The following PCDHA7 variants were observed in gnomAD, a reference collection of about 807,000 sequenced individuals.
PCDHA7 encodes the protein protocadherin alpha 7.
PCDHA7 carries 37 observed loss-of-function variants against 57.2 expected under a neutral mutation model. The observed-to-expected ratio is 0.65, with a 90% CI of 0.50 to 0.85. The LOEUF is 0.85. Ranked by LOEUF, PCDHA7 falls within the 40% of genes least tolerant of loss-of-function variation. PCDHA7 has a pLI of 0.00. For synonymous variants in PCDHA7, 553 were observed against 558.8 expected, an observed-to-expected ratio of 0.99 and a Z score of 0.15; for missense variants, 1,188 against 1,241.8, an observed-to-expected ratio of 0.96 and a Z score of 0.65.
At chr5:140,906,403 T>A (rs1583592944) in intron 1 of PCDHA7, among the ~76,000 whole-genome samples, 1 of 152,220 alleles carries the variant, frequency 6.6e-6, no homozygotes, top group East Asian at 1.9e-4. Context: ...AATTTTCATA[T>A]GAAGTCAATA....
chr5:140,878,567 G>T (rs562054144), intron 1 of PCDHA7, among the ~76,000 whole-genome samples: 1 of 152,268 alleles, frequency 6.6e-6, no homozygotes, highest in Non-Finnish European at 1.5e-5. Flanking sequence ...ACTTATCATA[G>T]TATACCACTG....
chr5:140,877,697 C>T (rs2057290837), intron 1 of PCDHA7: 15 of 1,613,794 alleles, frequency 9.3e-6, no homozygotes, highest in Non-Finnish European at 1.3e-5. Flanking sequence ...CTGGTGTGCT[C>T]CAGCGCCGTG....
At chr5:140,927,581 C>T (rs1554204769) in intron 1 of PCDHA7, 1 of 1,614,150 alleles carries the variant, frequency 6.2e-7, no homozygotes, top group East Asian at 2.2e-5. Context: ...AATGACAACG[C>T]GCCTGTATTT....
chr5:140,929,065 C>G, intron 1 of PCDHA7: 1 of 1,614,194 alleles, frequency 6.2e-7, no homozygotes. Context: ...TACAGAGGAT[C>G]TGAGGTATGG....
At chr5:140,943,356 A>G (rs965090658) in intron 1 of PCDHA7, among the ~76,000 whole-genome samples, 2 of 152,014 alleles carry the variant, frequency 1.3e-5, no homozygotes, top group Non-Finnish European at 2.9e-5. Flanking sequence ...GAGTAGAGGA[A>G]AGGAGATCAT....
intron 1 of PCDHA7, among the ~76,000 whole-genome samples, chr5:140,912,961 G>C (rs1370850871): frequency 6.6e-6 from 1 of 151,844 alleles, no homozygotes; most frequent in African/African-American, 2.4e-5. Context: ...ATCCCACTTG[G>C]TCTTTTAACT....
rs2150250556 is a variant in PCDHA7, at chr5:140,836,011, C to A, written c.1628C>A (p.Pro543Gln). 1.9e-6 allele frequency: 3 copies of A among 1,613,394 alleles called. No individual in the cohort carries two copies. The highest frequency in any genetic ancestry group is 8.5e-7 in the Non-Finnish European group (1 of 1,179,718). ...FQVSARDAGVPPLGSNVTLQV... is the reference protein window; with the variant it reads ...FQVSARDAGVQPLGSNVTLQV... ...GTGAGCGCGCGCGATGCGGGCGTGCCGCCTCTGGGCAGCAACGTGACGCTG... is the reference window on the plus strand; with the variant it reads ...GTGAGCGCGCGCGATGCGGGCGTGCAGCCTCTGGGCAGCAACGTGACGCTG... Residue 543 changes from proline to glutamine, a missense_variant, in exon 1 of 4, where the codon CCG becomes CAG. Around this residue, in one of 3 missense-constraint regions of PCDHA7, gnomAD observed 892 missense variants for 788.5 expected, o/e 1.13. Coordinates refer to ENST00000525929, the MANE Select transcript of PCDHA7 (RefSeq NM_018910.3).
chr5:140,969,074 C>T (rs782163688), intron 1 of PCDHA7: 3 of 1,614,142 alleles, frequency 1.9e-6, no homozygotes, highest in Non-Finnish European at 2.5e-6. Flanking sequence ...CAGGATACCG[C>T]ATGGCCTCAA....
chr5:140,870,917 G>A, intron 1 of PCDHA7: 1 of 1,613,936 alleles, frequency 6.2e-7, no homozygotes, highest in Non-Finnish European at 8.5e-7. Flanking sequence ...TACAACGCGT[G>A]GCTTTCATAT....
chr5:140,856,484 C>T lies in PCDHA7; in HGVS notation c.2355+19746C>T. 3 of 1,598,366 alleles carry T rather than the reference C, an allele frequency of 1.9e-6. 1 individual carries two copies. The highest frequency in any genetic ancestry group is 2.7e-5 in the African/African-American group (2 of 74,376). The stretch of plus-strand genomic sequence containing the variant: ...AAAGCTCTCAATACCTGAATCCAGA[C>T]TGCTTGACTCTCGATTTCCACTAGA... On this transcript the variant is annotated intron_variant, in intron 1 of 3. Coordinates refer to ENST00000525929, the MANE Select transcript of PCDHA7 (RefSeq NM_018910.3).
In PCDHA7 at chr5:140,842,845, T is replaced by G. The variant is rs2150346151; in HGVS notation, c.2355+6107T>G. The G allele has an allele frequency of 0.012, 19,312 of 1,593,596 alleles. 3,039 individuals are homozygous for G. In the African/African-American group the frequency reaches 0.23, roughly 19 times the overall value. On this transcript the variant is annotated intron_variant, in intron 1 of 3. Transcript: ENST00000525929. Reference sequence around the variant, plus strand: ...GCGAGCGCTCGCTGTCGAGCTACATTTCGGTGCACACGGAGAGCGGCAAGG... The same window carrying G: ...GCGAGCGCTCGCTGTCGAGCTACATGTCGGTGCACACGGAGAGCGGCAAGG...
chr5:140,867,568 T>C (rs2050045240), intron 1 of PCDHA7: 1 of 152,150 alleles, frequency 6.6e-6, no homozygotes, highest in Non-Finnish European at 1.5e-5. Context: ...AACTTTTTCA[T>C]ATGCCCTTGC....
intron 1 of PCDHA7, among the ~76,000 whole-genome samples, chr5:140,891,237 T>C (rs2063002731): frequency 6.6e-6 from 1 of 152,210 alleles, no homozygotes; most frequent in South Asian, 2.1e-4. Flanking sequence ...CTGTTCTGGA[T>C]TCAGTAGGAT....
chr5:140,973,929 T>C (rs2096608226), intron 1 of PCDHA7, among the ~76,000 whole-genome samples: 1 of 152,216 alleles, frequency 6.6e-6, no homozygotes, highest in Non-Finnish European at 1.5e-5. Flanking sequence ...AACCCAGAGG[T>C]TTAGCTGAAT....
At position 140,834,587 on chromosome 5, in the gene PCDHA7, C is replaced by T. The variant is rs2150222038; in HGVS notation, c.204C>T (p.Cys68=). 4 of 1,614,120 alleles carry T rather than the reference C, an allele frequency of 2.5e-6. No homozygotes were observed. The highest frequency in any genetic ancestry group is 3.3e-5 in the Admixed American group (2 of 60,012). The part of the protein sequence containing the change: ...ELVPRLFRAV[C]KFRGDLLEVN... The stretch of plus-strand genomic sequence containing the variant: ...TGCCGCGCCTGTTCCGGGCGGTGTG[C>T]AAATTCCGTGGGGATCTTCTGGAGG... Residue 68 remains cysteine, a synonymous_variant, in exon 1 of 4, where the codon TGC becomes TGT. Transcript: ENST00000525929.
Position 141,010,415 on chromosome 5 carries a change from C to T in PCDHA7, c.*478C>T. ...ACGAGCCAGCTTAGACTAATTGGTA[C>T]AAGGAAGGCAAGAAAACAAAGACAA... On this transcript the variant is annotated 3_prime_UTR_variant, in exon 4 of 4. Transcript: ENST00000525929. 1 of 1,160,734 alleles carries T rather than the reference C, an allele frequency of 8.6e-7. No homozygotes were observed. 71.9% of individuals were successfully genotyped at this position (1,160,734 alleles called of 1,614,324 possible).
chr5:140,932,016 G>A lies in PCDHA7; in HGVS notation c.2356-46933G>A, dbSNP rs73266047. Among the ~76,000 whole-genome samples, 510 of 151,544 alleles carry A rather than the reference G, an allele frequency of 3.4e-3. 2 individuals carry two copies. Among genetic ancestry groups the A allele is most frequent in the African/African-American group, 0.012 (481 of 41,364 alleles). ...TCTAAGTTCTTTCATTTTAGTTTAC[G>A]GTAAGTTTACAGTATATATTAACAT... On this transcript the variant is annotated intron_variant, in intron 1 of 3. Transcript: ENST00000525929.
rs1056248774 is a variant in PCDHA7, at chr5:140,862,628, G to A, written c.2355+25890G>A. On this transcript the variant is annotated intron_variant, in intron 1 of 3. Coordinates refer to ENST00000525929, the MANE Select transcript of PCDHA7 (RefSeq NM_018910.3). The stretch of plus-strand genomic sequence containing the variant: ...GTGAAAGGTAACAACCCGCGGGGCT[G>A]CCACGACTTCACAGTGTCCGCGCGG... The A allele has an allele frequency of 9.4e-6, 5 of 534,028 alleles. No individual in the cohort carries two copies. In the Admixed American group the frequency reaches 9.7e-5, roughly 10 times the overall value. 33.1% of individuals were successfully genotyped at this position (534,028 alleles called of 1,614,324 possible). A position where few individuals can be genotyped will look rare whatever the true frequency, so the allele number is the denominator to read the frequency against.
chr5:140,838,091 T>A, intron 1 of PCDHA7, among the ~76,000 whole-genome samples: 1 of 139,550 alleles, frequency 7.2e-6, no homozygotes, highest in African/African-American at 2.7e-5. Context: ...TGTGTGTGTG[T>A]GTGTGTGTGT....
Sources: allele counts gnomAD v4.1 joint callset (sites outside exome capture counted in the v4.1 genomes callset), GRCh38; gene constraint gnomAD v4.1.1; regional missense constraint gnomAD v4.1.1; transcripts MANE v1.5; gene names NCBI Gene and HGNC (gene_info 2026-07-23, HGNC 2026-07-21).